The following FBXL7 variants were observed in gnomAD, a reference collection of about 807,000 sequenced individuals.
The protein encoded by FBXL7 is F-box/LRR-repeat protein 7.
FBXL7 carries 12 observed loss-of-function variants against 38.3 expected under a neutral mutation model. That is an observed-to-expected ratio of 0.31 (90% CI 0.20 to 0.51). The LOEUF is 0.51. FBXL7 is among the 20% of genes least tolerant of loss of function. The pLI is 0.98. For synonymous variants in FBXL7, 297 were observed against 300.9 expected (o/e 0.99, Z 0.13); for missense variants, 567 against 676.4 (o/e 0.84, Z 1.79).
intron 2 of FBXL7, among the ~76,000 whole-genome samples, chr5:15,739,580 A>G (rs1735842886): frequency 6.6e-6 from 1 of 152,072 alleles, no homozygotes; most frequent in Non-Finnish European, 1.5e-5. Flanking sequence ...GGCAACCTAT[A>G]ATCTCTTTTT....
At chr5:15,917,689 G>C in intron 2 of FBXL7, among the ~76,000 whole-genome samples, 1 of 148,644 alleles carries the variant, frequency 6.7e-6, no homozygotes, top group East Asian at 2.0e-4. Flanking sequence ...AAGGAAGGAA[G>C]GAAGGAAGAA....
intron 1 of FBXL7, among the ~76,000 whole-genome samples, chr5:15,517,594 C>CGA (rs376631927): frequency 2.0e-5 from 3 of 152,228 alleles, no homozygotes; most frequent in African/African-American, 7.2e-5. Context: ...GAGAGGCAGA[C>CGA]AGGTTCAAGT....
At chr5:15,615,873 A>G in intron 1 of FBXL7, 110 bp from the exon 2 acceptor site, 1 of 630,502 alleles carries the variant, frequency 1.6e-6, no homozygotes, top group Non-Finnish European at 2.8e-6. Flanking sequence ...TTTGTATTAT[A>G]GCTGCTTTCT....
intron 1 of FBXL7, among the ~76,000 whole-genome samples, chr5:15,525,353 G>A (rs1373175710): frequency 6.6e-6 from 1 of 152,092 alleles, no homozygotes; most frequent in Non-Finnish European, 1.5e-5. Context: ...TAATGAATAC[G>A]AATCTAAACT....
chr5:15,838,467 C>G (rs545994709), intron 2 of FBXL7, among the ~76,000 whole-genome samples: 4 of 152,244 alleles, frequency 2.6e-5, no homozygotes, highest in Non-Finnish European at 5.9e-5. Flanking sequence ...CTCCTAATGC[C>G]ATAACATTGG....
At chr5:15,566,121 C>A (rs1304726953) in intron 1 of FBXL7, among the ~76,000 whole-genome samples, 1 of 151,966 alleles carries the variant, frequency 6.6e-6, no homozygotes, top group Non-Finnish European at 1.5e-5. Flanking sequence ...CACATCTCTT[C>A]TATGTCCTGT....
rs1251870901 is a variant in FBXL7, at chr5:15,912,362, A to G, written c.128-15528A>G. 4.9e-4 allele frequency among the ~76,000 whole-genome samples: 68 copies of G among 137,630 alleles called. 2 individuals carry two copies. Among genetic ancestry groups the G allele is most frequent in the East Asian group, 2.2e-3 (10 of 4,544 alleles). 90.3% of individuals were successfully genotyped at this position (137,630 alleles called of 152,430 possible). On this transcript the variant is annotated intron_variant, in intron 2 of 3. Transcript: ENST00000504595. ...ACCCCTTGCGCTTCCCAGGTGAGGC[A>G]ATGCCTCGCCCTGCTTCGGCTCGCG...
intron 2 of FBXL7, among the ~76,000 whole-genome samples, chr5:15,793,794 GA>G (rs1347509519): frequency 6.6e-6 from 1 of 152,240 alleles, no homozygotes; most frequent in Non-Finnish European, 1.5e-5. Flanking sequence ...GAACAGTGAA[GA>G]AGATGAATTT....
chr5:15,697,476 C>G (rs1414105329), intron 2 of FBXL7, among the ~76,000 whole-genome samples: 1 of 151,856 alleles, frequency 6.6e-6, no homozygotes. Context: ...AGTTTTGAGC[C>G]AAAGCATGAT....
In FBXL7 at chr5:15,765,697, C is replaced by A. The variant is rs553002337; in HGVS notation, c.127+149625C>A. Among the ~76,000 whole-genome samples the A allele has an allele frequency of 4.6e-5, 7 of 152,300 alleles. No individual in the cohort carries two copies. In the South Asian group the frequency reaches 1.0e-3, roughly 23 times the overall value. ...GTGGCACCATGCTTCCTCCCACCAA[C>A]AATAATGCCCAGTTGTGTACCAATT... On this transcript the variant is annotated intron_variant, in intron 2 of 3. Transcript: ENST00000504595.
intron 1 of FBXL7, among the ~76,000 whole-genome samples, chr5:15,555,396 T>C (rs1378822092): frequency 6.6e-6 from 1 of 152,180 alleles, no homozygotes; most frequent in Non-Finnish European, 1.5e-5. Context: ...CCAGTAACTG[T>C]GGAACAGGTG....
At chr5:15,617,984 A>G (rs558231485) in intron 2 of FBXL7, among the ~76,000 whole-genome samples, 1 of 152,310 alleles carries the variant, frequency 6.6e-6, no homozygotes, top group African/African-American at 2.4e-5. Context: ...TTTCAAAAAT[A>G]GAAAATACAC....
rs563449802 is a variant in FBXL7 at position 15,799,296 on chromosome 5, A to G, written c.128-128594A>G. ...AGATAGAGGAAGAATGCATGTCTGC[A>G]TCTCATTCCCATTGGAACAGCTGTA... On this transcript the variant is annotated intron_variant, in intron 2 of 3. Transcript: ENST00000504595. Among the ~76,000 whole-genome samples, 211 of 151,382 alleles carry G rather than the reference A, an allele frequency of 1.4e-3. 1 individual carries two copies. Among genetic ancestry groups the G allele is most frequent in the Non-Finnish European group, 2.4e-3 (165 of 67,966 alleles).
chr5:15,586,517 T>C (rs1739311578), intron 1 of FBXL7, among the ~76,000 whole-genome samples: 1 of 152,046 alleles, frequency 6.6e-6, no homozygotes, highest in Non-Finnish European at 1.5e-5. Context: ...AGGTTATTAC[T>C]TTTGGACACT....
intron 2 of FBXL7, among the ~76,000 whole-genome samples, chr5:15,707,174 GTT>G (rs71603796): frequency 0.095 from 6,600 of 69,504 alleles, 18 homozygotes; most frequent in South Asian, 0.14. Context: ...TTTTCTTTTC[GTT>G]TTTTTTTTTT....
chr5:15,566,140 T>C (rs868621977), intron 1 of FBXL7, among the ~76,000 whole-genome samples: 26 of 151,960 alleles, frequency 1.7e-4, no homozygotes, highest in African/African-American at 6.3e-4. Flanking sequence ...GTATTGAAAA[T>C]AGATAAAAGA....
At chr5:15,882,288 G>A (rs550161426) in intron 2 of FBXL7, among the ~76,000 whole-genome samples, 5 of 152,080 alleles carry the variant, frequency 3.3e-5, no homozygotes, top group South Asian at 2.1e-4. Flanking sequence ...TAGTCACACC[G>A]GATATACTGA....
At chr5:15,813,269 C>A (rs1262329384) in intron 2 of FBXL7, among the ~76,000 whole-genome samples, 2 of 152,074 alleles carry the variant, frequency 1.3e-5, no homozygotes, top group African/African-American at 2.4e-5. Context: ...AGAAATAACA[C>A]CACACATCTA....
At chr5:15,609,998 A>C (rs1740173477) in intron 1 of FBXL7, among the ~76,000 whole-genome samples, 1 of 152,228 alleles carries the variant, frequency 6.6e-6, no homozygotes, top group Admixed American at 6.5e-5. Context: ...GAAGACAAAA[A>C]GCACGTCTTA....
Sources: allele counts gnomAD v4.1 joint callset (sites outside exome capture counted in the v4.1 genomes callset), GRCh38; gene constraint gnomAD v4.1.1; transcripts MANE v1.5; gene names NCBI Gene and HGNC (gene_info 2026-07-23, HGNC 2026-07-21).